The following AHNAK variants were observed in gnomAD, a reference collection of about 807,000 sequenced individuals.
AHNAK encodes AHNAK nucleoprotein.
In AHNAK, 23 loss-of-function variants were observed where a neutral mutation model predicts 37.8. The observed-to-expected ratio is 0.61, with a 90% confidence interval of 0.44 to 0.86. The LOEUF is 0.86. AHNAK is among the 40% of genes least tolerant of loss of function. AHNAK has a pLI of 0.00. For synonymous variants in AHNAK, 2,481 were observed against 2,636.3 expected (o/e 0.94, Z 1.80); for missense variants, 7,411 against 7,319.4 (o/e 1.01, Z -0.46).
intron 5 of AHNAK, among the ~76,000 whole-genome samples, chr11:62,479,402 G>C (rs1939219302): frequency 6.6e-6 from 1 of 151,586 alleles, no homozygotes; most frequent in Non-Finnish European, 1.5e-5. Flanking sequence ...CCTGACCTCA[G>C]GTGATCCGTC....
In AHNAK at chr11:62,519,177, G is replaced by C; in HGVS notation, c.15240C>G (p.Thr5080=). 2 of 1,613,180 alleles carry C rather than the reference G, an allele frequency of 1.2e-6. No homozygotes were observed. The highest frequency in any genetic ancestry group is 2.2e-5 in the South Asian group (2 of 90,842). Residue 5080 remains threonine (T), a synonymous_variant, in exon 5 of 5, where the codon ACC becomes ACG. Transcript: ENST00000378024. ...ALKVDVKSPK[T]KKTMFGKMYF... ...ACATTTTTCCAAACATCGTTTTCTT[G>C]GTTTTGGGCGATTTCACGTCGACTT... is the stretch of plus-strand genomic sequence containing the variant.
In AHNAK at chr11:62,517,851, T is replaced by G. The variant is rs1384652674; in HGVS notation, c.16566A>C (p.Glu5522Asp). Residue 5522 changes from glutamate (E) to aspartate (D), a missense_variant, in exon 5 of 5, where the codon GAA (glutamate) becomes GAC (aspartate). Transcript: ENST00000378024. ...CTGAACCTTTCAGACCACCTTTGAT[T>G]TCAGGCCCAGAAATCTGCCCAGTTG... The part of the protein sequence containing the change: ...KLPTGQISGP[E>D]IKGGLKGSEV... 1 of 1,614,132 alleles carries G rather than the reference T, an allele frequency of 6.2e-7. No homozygotes were observed. Among genetic ancestry groups the G allele is most frequent in the South Asian group, 1.1e-5 (1 of 91,082 alleles).
chr11:62,480,041 T>A (rs999911471), intron 5 of AHNAK, among the ~76,000 whole-genome samples: 7 of 152,074 alleles, frequency 4.6e-5, no homozygotes, highest in Non-Finnish European at 7.4e-5. Flanking sequence ...ACCCCTGATT[T>A]CAAGCAGGAG....
At chr11:62,500,869 T>C (rs1939700047) in intron 4 of AHNAK, among the ~76,000 whole-genome samples, 1 of 152,208 alleles carries the variant, frequency 6.6e-6, no homozygotes, top group Non-Finnish European at 1.5e-5. Context: ...TATCAAGTTT[T>C]TTCCCCCTTG....
In AHNAK at chr11:62,535,930, C is replaced by T. The variant is rs770825772; in HGVS notation, c.154+15G>A. 1.9e-6 allele frequency: 3 copies of T among 1,605,852 alleles called. No homozygotes were observed. Among genetic ancestry groups the T allele is most frequent in the Non-Finnish European group, 2.5e-6 (3 of 1,177,576 alleles). On this transcript the variant is annotated intron_variant, in intron 3 of 4. Coordinates refer to ENST00000378024, the MANE Select transcript of AHNAK (RefSeq NM_001620.3). ...CCAACCACCAGCACCCAGTCCACAC[C>T]CTGGGGTGACTCACCCTCCTTGACC...
At position 62,535,971 on chromosome 11, in the gene AHNAK, G is replaced by T; in HGVS notation, c.128C>A (p.Ala43Glu). 3.7e-6 allele frequency: 6 copies of T among 1,611,660 alleles called. No individual in the cohort carries two copies. Among genetic ancestry groups the T allele is most frequent in the Non-Finnish European group, 5.1e-6 (6 of 1,179,234 alleles). ...FVQEVTQNSP[A>E]ARTGVVKEGD... is the part of the protein sequence containing the mutation. ...CTCCTTGACCACCCCAGTGCGGGCC[G>T]CAGGGGAGTTCTGCGTCACCTCCTG... Residue 43 changes from alanine to glutamate, a missense_variant, in exon 3 of 5, where the codon GCG (alanine) becomes GAG (glutamate). Transcript: ENST00000378024.
At position 62,519,687 on chromosome 11, in the gene AHNAK, C is replaced by A. The variant is rs1231619296; in HGVS notation, c.14730G>T (p.Glu4910Asp). 1 of 1,614,032 alleles carries A rather than the reference C, an allele frequency of 6.2e-7. No individual in the cohort carries two copies. Among genetic ancestry groups the A allele is most frequent in the Admixed American group, 1.7e-5 (1 of 59,982 alleles). ...GAGCAGTTACTTTAGGAGCAGATAT[C>A]TCCAGCGATGGCATCTTCAAAGATG... ...SGPSLKMPSLEISAPKVTAPD... is the reference protein window; with the variant it reads ...SGPSLKMPSLDISAPKVTAPD... The change falls in exon 5 of 5, where the codon GAG (glutamate) becomes GAT (aspartate). Residue 4910 changes from glutamate to aspartate, a missense_variant. Coordinates refer to ENST00000378024, the MANE Select transcript of AHNAK (RefSeq NM_001620.3).
At position 62,522,188 on chromosome 11, in the gene AHNAK, C is replaced by G. The variant is rs1173578680; in HGVS notation, c.12229G>C (p.Gly4077Arg). 5 of 1,613,390 alleles carry G rather than the reference C, an allele frequency of 3.1e-6. No homozygotes were observed. In the Admixed American group the frequency reaches 5.0e-5, roughly 16 times the overall value. ...GGCAAATTAACATCCACTTCTGGGC[C>G]CTCTCCTTTAAATCCTGGCATGCTG... ...KFSMPGFKGE[G>R]PEVDVNLPKA... Residue 4077 changes from glycine (G) to arginine (R), a missense_variant, in exon 5 of 5, where the codon GGC (glycine) becomes CGC (arginine). Transcript: ENST00000378024.
intron 5 of AHNAK, among the ~76,000 whole-genome samples, chr11:62,478,450 T>C (rs1939194208): frequency 1.3e-5 from 2 of 152,076 alleles, no homozygotes; most frequent in South Asian, 4.1e-4. Context: ...CAGGACAGGG[T>C]GCCGGGTGCC....
chr11:62,522,537 G>A lies in AHNAK; in HGVS notation c.11880C>T (p.Asp3960=), dbSNP rs1565229495. Residue 3960 remains aspartate (D), a synonymous_variant, in exon 5 of 5, where the codon GAC becomes GAT. Transcript: ENST00000378024. ...PEVDVNLPKA[D]LDVSGPKVDV... is the part of the protein sequence containing the mutation. ...CCACCTTGGGTCCTGAGACGTCAAG[G>A]TCAGCCTTGGGCAGGTTCACATCCA... The A allele has an allele frequency of 6.2e-7, 1 of 1,613,564 alleles. No individual in the cohort carries two copies. Among genetic ancestry groups the A allele is most frequent in the Non-Finnish European group, 8.5e-7 (1 of 1,179,934 alleles).
intron 5 of AHNAK, among the ~76,000 whole-genome samples, chr11:62,434,572 G>A (rs1028875255): frequency 6.6e-6 from 1 of 152,076 alleles, no homozygotes; most frequent in African/African-American, 2.4e-5. Flanking sequence ...GCATGCCCCA[G>A]GCTTCATCTT....
Position 62,518,549 on chromosome 11 carries a change from C to T in AHNAK, c.15868G>A (p.Val5290Met). Residue 5290 changes from valine (V) to methionine (M), a missense_variant, in exon 5 of 5, where the codon GTG becomes ATG. Val to Met is a conservative substitution (Grantham distance 21). Coordinates refer to ENST00000378024, the MANE Select transcript of AHNAK (RefSeq NM_001620.3). ...GAGACTTTTGGCATAGAGAGGTTCA[C>T]TGAAGGCAAGTCTACTCCTGGCCCC... ...LKGPGVDLPS[V>M]NLSMPKVSGP... 4 of 1,614,158 alleles carry T rather than the reference C, an allele frequency of 2.5e-6. No homozygotes were observed. The highest frequency in any genetic ancestry group is 3.4e-6 in the Non-Finnish European group (4 of 1,180,030).
At chr11:62,487,937 C>T (rs978172352) in intron 5 of AHNAK, among the ~76,000 whole-genome samples, 5 of 152,082 alleles carry the variant, frequency 3.3e-5, no homozygotes, top group East Asian at 1.9e-4. Context: ...GTGGGGGACA[C>T]GCAAGTTGGT....
At chr11:62,534,703 A>T (rs1054123046) in intron 4 of AHNAK, among the ~76,000 whole-genome samples, 22 of 152,268 alleles carry the variant, frequency 1.4e-4, no homozygotes, top group Non-Finnish European at 2.2e-4. Flanking sequence ...CATTTCAAAG[A>T]TTCTTGCAAA....
intron 5 of AHNAK, among the ~76,000 whole-genome samples, chr11:62,477,674 C>T (rs1457600509): frequency 6.6e-6 from 1 of 152,018 alleles, no homozygotes; most frequent in East Asian, 1.9e-4. Flanking sequence ...TGGTGGCCGG[C>T]GCCTGTAGTC....
exon 6 of AHNAK, chr11:62,433,772 G>A: frequency 1.4e-6 from 2 of 1,457,240 alleles, no homozygotes; most frequent in Admixed American, 1.8e-5. Flanking sequence ...TTAACTGCAG[G>A]TGTTTGTTGC....
At position 62,526,118 on chromosome 11, in the gene AHNAK, G is replaced by A. The variant is rs1411390191; in HGVS notation, c.8299C>T (p.Pro2767Ser). The A allele has an allele frequency of 2.5e-6, 4 of 1,613,368 alleles. No individual in the cohort carries two copies. Among genetic ancestry groups the A allele is most frequent in the South Asian group, 2.2e-5 (2 of 91,058 alleles). ...CTGATCTTGGGCATTTTTATCTTGG[G>A]CATCTTTAGGTGCCAGTCTGGGCCA... is the stretch of plus-strand genomic sequence containing the variant. ...VHGPDWHLKM[P>S]KIKMPKISMP... Residue 2767 changes from proline (P) to serine (S), a missense_variant, in exon 5 of 5, where the codon CCC (proline) becomes TCC (serine). Coordinates refer to ENST00000378024, the MANE Select transcript of AHNAK (RefSeq NM_001620.3).
intron 4 of AHNAK, among the ~76,000 whole-genome samples, chr11:62,505,687 C>T (rs1458395167): frequency 6.6e-6 from 1 of 151,806 alleles, no homozygotes; most frequent in Non-Finnish European, 1.5e-5. Flanking sequence ...TTGCAAGCCG[C>T]CGCCCTTCCC....
Position 62,528,129 on chromosome 11 carries a change from T to G in AHNAK, c.6288A>C (p.Pro2096=), listed in dbSNP as rs758253861. The G allele has an allele frequency of 7.4e-6, 12 of 1,612,254 alleles. No individual in the cohort carries two copies. In the South Asian group the frequency reaches 1.3e-4, roughly 18 times the overall value. ...VEVPDVSLEG[P]EGKLKGPKLK... is the part of the protein sequence containing the mutation. ...GCTTGGGGCCCTTCAGCTTCCCTTC[T>G]GGACCTTCAAGGCTCACATCTGGGA... The change falls in exon 5 of 5, where the codon CCA becomes CCC. Residue 2096 remains proline (P), a synonymous_variant. Coordinates refer to ENST00000378024, the MANE Select transcript of AHNAK (RefSeq NM_001620.3).
Sources: gnomAD v4.1 joint callset for allele counts (sites outside exome capture counted in the v4.1 genomes callset) on GRCh38, gnomAD v4.1.1 for gene constraint, MANE v1.5 for transcripts, NCBI Gene and HGNC (gene_info 2026-07-23, HGNC 2026-07-21) for gene names.